The following TENM3 variants were observed in gnomAD, a reference collection of about 807,000 sequenced individuals.
TENM3 encodes teneurin-3.
Under a neutral mutation model 255.1 loss-of-function variants are expected in TENM3, and 63 were observed. That is an observed-to-expected ratio of 0.25 (90% CI 0.20 to 0.30). The LOEUF (loss-of-function observed/expected upper bound fraction) is 0.30, where lower values mean the gene tolerates loss of function less well. Ranked by LOEUF, TENM3 falls within the 10% of genes least tolerant of loss-of-function variation. TENM3 has a pLI of 1.00. For synonymous variants in TENM3, 1,306 were observed against 1,322.3 expected, an observed-to-expected ratio of 0.99 and a Z score of 0.27; for missense variants, 2,929 against 3,461.1, an observed-to-expected ratio of 0.85 and a Z score of 3.86.
intron 1 of TENM3, among the ~76,000 whole-genome samples, chr4:182,270,402 G>T (rs900228914): frequency 6.6e-6 from 1 of 152,176 alleles, no homozygotes; most frequent in African/African-American, 2.4e-5. Flanking sequence ...CAGACTGAAG[G>T]TGGAATTTGG....
At chr4:182,219,848 C>T (rs1159746364) in intron 1 of TENM3, among the ~76,000 whole-genome samples, 1 of 152,162 alleles carries the variant, frequency 6.6e-6, no homozygotes, top group Non-Finnish European at 1.5e-5. Context: ...TGCTTACTCT[C>T]CTAAGGGGAA....
chr4:182,526,357 TC>T (rs1413918800), intron 3 of TENM3, among the ~76,000 whole-genome samples: 1 of 151,922 alleles, frequency 6.6e-6, no homozygotes, highest in Non-Finnish European at 1.5e-5. Flanking sequence ...CCTCTCACTG[TC>T]CTGTTGTGAT....
chr4:181,793,474 C>T, the TENM3 span, among the ~76,000 whole-genome samples: 1 of 152,254 alleles, frequency 6.6e-6, no homozygotes, highest in Admixed American at 6.5e-5. Context: ...GTCTCAGTCT[C>T]GCAGGACAAG....
At position 182,388,927 on chromosome 4, in the gene TENM3, G is replaced by T. The variant is rs796112871; in HGVS notation, c.511+41998G>T. Among the ~76,000 whole-genome samples, 3 of 152,258 alleles carry T rather than the reference G, an allele frequency of 2.0e-5. No homozygotes were observed. In the South Asian group the frequency reaches 6.2e-4, roughly 32 times the overall value. On this transcript the variant is annotated intron_variant, in intron 3 of 27. Transcript: ENST00000511685. ...AGATGGAGGTGATGTTCTAGGCAGAGGTGGCTTCTAGACCTTCCTTTGCAC... is the reference window on the plus strand; with the variant it reads ...AGATGGAGGTGATGTTCTAGGCAGATGTGGCTTCTAGACCTTCCTTTGCAC...
the TENM3 span, among the ~76,000 whole-genome samples, chr4:182,022,103 CAT>C: frequency 1.3e-5 from 2 of 151,518 alleles, no homozygotes; most frequent in African/African-American, 2.4e-5. Flanking sequence ...TTTATAGCCA[CAT>C]GTTTGTTTGT....
At chr4:182,560,456 C>G (rs776229904) in intron 3 of TENM3, among the ~76,000 whole-genome samples, 23 of 152,152 alleles carry the variant, frequency 1.5e-4, no homozygotes, top group Non-Finnish European at 3.1e-4. Flanking sequence ...CTCCTACAAA[C>G]AGTGATTTCC....
chr4:181,755,448 G>A, the TENM3 span, among the ~76,000 whole-genome samples: 2 of 151,726 alleles, frequency 1.3e-5, no homozygotes. Context: ...TTATACCTTG[G>A]ATAAACTAAG....
At chr4:182,561,312 A>C (rs1226863927) in intron 3 of TENM3, among the ~76,000 whole-genome samples, 3 of 151,766 alleles carry the variant, frequency 2.0e-5, no homozygotes, top group Non-Finnish European at 4.4e-5. Context: ...AAATTAACTG[A>C]TAATAGCTCT....
the TENM3 span, among the ~76,000 whole-genome samples, chr4:181,621,063 G>A: frequency 1.3e-5 from 2 of 152,124 alleles, no homozygotes; most frequent in Non-Finnish European, 2.9e-5. Flanking sequence ...GCAAGCAGAG[G>A]AGATAGAAGG....
chr4:181,799,487 T>C, the TENM3 span, among the ~76,000 whole-genome samples: 1 of 152,372 alleles, frequency 6.6e-6, no homozygotes, highest in African/African-American at 2.4e-5. Flanking sequence ...CACATTTAAA[T>C]TGTGTACCTA....
At chr4:182,088,367 T>G in the TENM3 span, among the ~76,000 whole-genome samples, 4 of 152,138 alleles carry the variant, frequency 2.6e-5, no homozygotes, top group Non-Finnish European at 4.4e-5. Flanking sequence ...ACCCAGAGGT[T>G]CCTTCAAGTA....
chr4:182,151,611 A>G (rs1324559758), intron 1 of TENM3, among the ~76,000 whole-genome samples: 2 of 152,088 alleles, frequency 1.3e-5, no homozygotes, highest in East Asian at 1.9e-4. Context: ...AAAGAAAGCT[A>G]TCACTCCTAT....
At chr4:181,479,784 C>T in the TENM3 span, among the ~76,000 whole-genome samples, 1 of 152,066 alleles carries the variant, frequency 6.6e-6, no homozygotes, top group African/African-American at 2.4e-5. Context: ...AATAAAATTA[C>T]ATTCGAAGAT....
the TENM3 span, among the ~76,000 whole-genome samples, chr4:181,674,049 G>A: frequency 5.1e-4 from 77 of 152,230 alleles, no homozygotes; most frequent in African/African-American, 1.8e-3. Context: ...TAGCTGGAGT[G>A]CAGTGGCATA....
At chr4:181,489,539 T>C in the TENM3 span, among the ~76,000 whole-genome samples, 1 of 152,212 alleles carries the variant, frequency 6.6e-6, no homozygotes, top group Non-Finnish European at 1.5e-5. Context: ...CTGAGCTCTG[T>C]TTGAATCATC....
At chr4:181,847,000 C>A in the TENM3 span, among the ~76,000 whole-genome samples, 2 of 152,208 alleles carry the variant, frequency 1.3e-5, no homozygotes, top group Non-Finnish European at 2.9e-5. Flanking sequence ...GCTGTCCCAT[C>A]CCCTAGGCCC....
the TENM3 span, among the ~76,000 whole-genome samples, chr4:181,645,580 C>T: frequency 6.6e-6 from 1 of 152,134 alleles, no homozygotes; most frequent in Admixed American, 6.6e-5. Flanking sequence ...AGGTGAAATG[C>T]TTAAAAATAT....
At chr4:181,699,472 A>AAAAAAAAAAAAAAAAAAAAAAAAAAAT in the TENM3 span, among the ~76,000 whole-genome samples, 3 of 133,054 alleles carry the variant, frequency 2.3e-5, no homozygotes, top group African/African-American at 9.0e-5. Flanking sequence ...AAAAAAAAAA[A>AAAAAAAAAAAAAAAAAAAAAAAAAAAT]GAAAGAAAGA....
intron 3 of TENM3, among the ~76,000 whole-genome samples, chr4:182,450,456 A>G (rs1266758803): frequency 6.6e-6 from 1 of 152,180 alleles, no homozygotes; most frequent in Non-Finnish European, 1.5e-5. Context: ...CAGCGTTCAA[A>G]ACACTCTAGG....
Sources: gnomAD v4.1 joint callset for allele counts (sites outside exome capture counted in the v4.1 genomes callset) on GRCh38, gnomAD v4.1.1 for gene constraint, MANE v1.5 for transcripts, NCBI Gene and HGNC (gene_info 2026-07-23, HGNC 2026-07-21) for gene names.